Variants in PHACTR3 observed in about 807,000 individuals in gnomAD.
The protein encoded by PHACTR3 is phosphatase and actin regulator 3.
In PHACTR3, 16 loss-of-function variants were observed where a neutral mutation model predicts 66.8. The observed-to-expected ratio is 0.24, with a 90% confidence interval of 0.16 to 0.36. The LOEUF (loss-of-function observed/expected upper bound fraction) is 0.36, where lower values mean the gene tolerates loss of function less well. Ranked by LOEUF, PHACTR3 falls within the 10% of genes least tolerant of loss-of-function variation. The pLI, the probability that PHACTR3 is intolerant of heterozygous loss-of-function variation, is 1.00. For synonymous variants in PHACTR3, 323 were observed against 292.1 expected (o/e 1.11, Z -1.08); for missense variants, 647 against 719.9 (o/e 0.90, Z 1.16).
chr20:59,698,958 A>G (rs1681881218), intron 1 of PHACTR3, among the ~76,000 whole-genome samples: 1 of 152,208 alleles, frequency 6.6e-6, no homozygotes, highest in African/African-American at 2.4e-5. Context: ...AAGTACATTC[A>G]GAAACACAAC....
intron 1 of PHACTR3, among the ~76,000 whole-genome samples, chr20:59,637,557 G>T (rs1188595651): frequency 1.3e-5 from 2 of 152,064 alleles, no homozygotes; most frequent in East Asian, 3.9e-4. Flanking sequence ...TGTCTATAAT[G>T]GATGCATTTC....
At chr20:59,771,565 C>T (rs2040362033) in intron 5 of PHACTR3, among the ~76,000 whole-genome samples, 1 of 152,072 alleles carries the variant, frequency 6.6e-6, no homozygotes, top group African/African-American at 2.4e-5. Context: ...CTCAGCCCAC[C>T]TGCGTGGTGC....
In PHACTR3 at chr20:59,738,487, T is replaced by C. The variant is rs1428141009; in HGVS notation, c.119-4620T>C. On this transcript the variant is annotated intron_variant, in intron 1 of 12. Transcript: ENST00000371015. This position sits in a 1 kb window ranked among gnomAD's most constrained non-coding sequence, Gnocchi z 4.4. ...GGAAGACCAGTTGCTGGGGCAGGGA[T>C]GCTGGTACTGGACCAGGGTTGTTAT... Among the ~76,000 whole-genome samples, 1 of 151,824 alleles carries C rather than the reference T, an allele frequency of 6.6e-6. No homozygotes were observed. Among genetic ancestry groups the C allele is most frequent in the Non-Finnish European group, 1.5e-5 (1 of 67,920 alleles).
chr20:59,667,120 G>A (rs2036019389), intron 1 of PHACTR3, among the ~76,000 whole-genome samples: 1 of 152,176 alleles, frequency 6.6e-6, no homozygotes, highest in Admixed American at 6.5e-5. Flanking sequence ...AGGGTGATGA[G>A]ATTCTATTTT....
At chr20:59,679,836 A>T (rs756084102) in intron 1 of PHACTR3, among the ~76,000 whole-genome samples, 1 of 152,078 alleles carries the variant, frequency 6.6e-6, no homozygotes, top group African/African-American at 2.4e-5. Context: ...AGTATGGGGG[A>T]GACTGCCCCC....
chr20:59,756,071 GTTT>G (rs1213098755), intron 4 of PHACTR3, among the ~76,000 whole-genome samples: 2 of 152,056 alleles, frequency 1.3e-5, no homozygotes, highest in Non-Finnish European at 2.9e-5. Context: ...AGTGGTGGTG[GTTT>G]TTATTTTAAT....
chr20:59,753,455 G>T (rs765940425), intron 3 of PHACTR3, among the ~76,000 whole-genome samples: 1 of 152,194 alleles, frequency 6.6e-6, no homozygotes, highest in African/African-American at 2.4e-5. Context: ...AGTCCTGGGT[G>T]TGGTGAGGAC....
intron 1 of PHACTR3, among the ~76,000 whole-genome samples, chr20:59,675,052 G>C (rs1206974416): frequency 2.0e-5 from 2 of 101,136 alleles, no homozygotes; most frequent in African/African-American, 4.3e-5. Context: ...TCTCCTCCCT[G>C]TTCCTCCTTT....
intron 2 of PHACTR3, among the ~76,000 whole-genome samples, chr20:59,745,031 A>T (rs1434389727): frequency 6.6e-6 from 1 of 152,164 alleles, no homozygotes; most frequent in Admixed American, 6.5e-5. Context: ...ATCCAGGCTT[A>T]ATGGCAGGAT....
At chr20:59,725,964 G>T (rs1353572993) in intron 1 of PHACTR3, among the ~76,000 whole-genome samples, 2 of 152,148 alleles carry the variant, frequency 1.3e-5, no homozygotes, top group Non-Finnish European at 2.9e-5. Flanking sequence ...TTGGGGTCAG[G>T]CCATGTGGAT....
chr20:59,726,095 C>T (rs376427345), intron 1 of PHACTR3, among the ~76,000 whole-genome samples: 48 of 152,322 alleles, frequency 3.2e-4, no homozygotes, highest in African/African-American at 1.1e-3. Context: ...GTCGATGGCA[C>T]GAGCCCAGTT....
chr20:59,759,696 G>C (rs1053113926), intron 4 of PHACTR3, among the ~76,000 whole-genome samples: 3 of 152,320 alleles, frequency 2.0e-5, no homozygotes, highest in Middle Eastern at 6.8e-3. Flanking sequence ...GCTGTTAGAT[G>C]CTGTGTGTCT....
chr20:59,638,561 G>GTGGA lies in PHACTR3; in HGVS notation c.118+33432_118+33433insATGG, dbSNP rs1367774860. ...GCTAGGTAGATATATGAGTGGATAGGTGGGTGGGTGGGTGCGTGAGTGGAT... is the reference window on the plus strand; with the variant it reads ...GCTAGGTAGATATATGAGTGGATAGGTGGATGGGTGGGTGGGTGCGTGAGTGGAT... On this transcript the variant is annotated intron_variant, in intron 1 of 12. Transcript: ENST00000371015. Among the ~76,000 whole-genome samples the GTGGA allele has an allele frequency of 1.5e-3, 219 of 149,374 alleles. 3 individuals are homozygous for GTGGA. The highest frequency in any genetic ancestry group is 2.5e-3 in the Admixed American group (37 of 14,960).
At chr20:59,715,577 A>G (rs2038062744) in intron 1 of PHACTR3, among the ~76,000 whole-genome samples, 1 of 152,154 alleles carries the variant, frequency 6.6e-6, no homozygotes, top group South Asian at 2.1e-4. Flanking sequence ...TAGGCCTGTC[A>G]TTTTCATTTC....
chr20:59,668,671 A>G (rs2036082162), intron 1 of PHACTR3, among the ~76,000 whole-genome samples: 1 of 152,164 alleles, frequency 6.6e-6, no homozygotes, highest in Admixed American at 6.5e-5. Context: ...TGACAATTCA[A>G]CAGAACAATT....
At chr20:59,750,940 T>C (rs1204696375) in intron 3 of PHACTR3, among the ~76,000 whole-genome samples, 2 of 152,222 alleles carry the variant, frequency 1.3e-5, no homozygotes, top group Non-Finnish European at 2.9e-5. Context: ...GCTTCAAAAA[T>C]GTCTTTTCTC....
chr20:59,618,323 G>A (rs185116269), intron 1 of PHACTR3, among the ~76,000 whole-genome samples: 141 of 152,258 alleles, frequency 9.3e-4, no homozygotes, highest in Non-Finnish European at 9.4e-4. Context: ...AGAGAGGGAT[G>A]TGAGTGTGTG....
intron 1 of PHACTR3, 32 bp downstream of exon 1, chr20:59,605,164 C>G: frequency 2.6e-6 from 3 of 1,145,872 alleles, no homozygotes; most frequent in Non-Finnish European, 3.4e-6. Context: ...GCGGGCGGGT[C>G]GGGGAGGCCC....
intron 8 of PHACTR3, among the ~76,000 whole-genome samples, chr20:59,813,655 C>G (rs538236941): frequency 2.6e-5 from 4 of 152,170 alleles, no homozygotes; most frequent in Admixed American, 6.5e-5. Flanking sequence ...CCAGGCAGAC[C>G]AGCCAGTGAG....
Sources: allele counts gnomAD v4.1 joint callset (sites outside exome capture counted in the v4.1 genomes callset), GRCh38; gene constraint gnomAD v4.1.1; non-coding constraint Gnocchi (gnomAD v3.1); transcripts MANE v1.5; gene names NCBI Gene and HGNC (gene_info 2026-07-23, HGNC 2026-07-21).